Variants in KIAA1958 observed in about 807,000 individuals in gnomAD.
The protein encoded by KIAA1958 is KIAA1958.
KIAA1958 carries 14 observed loss-of-function variants against 47.2 expected under a neutral mutation model. The observed-to-expected ratio is 0.30, with a 90% CI of 0.20 to 0.46. The LOEUF (loss-of-function observed/expected upper bound fraction) is 0.46. Ranked by LOEUF, KIAA1958 falls within the 20% of genes least tolerant of loss-of-function variation. KIAA1958 has a pLI of 1.00. For missense variants in KIAA1958, 803 were observed against 909.2 expected, an observed-to-expected ratio of 0.88 and a Z score of 1.50; for synonymous variants, 354 against 353.3, an observed-to-expected ratio of 1.00 and a Z score of -0.02.
rs537322281 is a variant in KIAA1958 at position 112,540,809 on chromosome 9, G to A, written c.-24-33248G>A. 3.0e-4 allele frequency among the ~76,000 whole-genome samples: 45 copies of A among 151,778 alleles called. No individual in the cohort carries two copies. The South Asian group carries it at 6.7e-3, about 22-fold the overall frequency. On this transcript the variant is annotated intron_variant, in intron 1 of 3. Transcript: ENST00000337530. ...TGGCTCACTGTAGCCTCGACTTCCC[G>A]GGATTAGGTGATTCTCCCATCTCAG... is the stretch of plus-strand genomic sequence containing the variant.
chr9:112,617,599 G>A (rs1191290783), intron 2 of KIAA1958, among the ~76,000 whole-genome samples: 3 of 151,988 alleles, frequency 2.0e-5, no homozygotes, highest in South Asian at 2.1e-4. Context: ...TCTCTCTTTC[G>A]ACAAACCTTC....
In KIAA1958 at chr9:112,603,434, G is replaced by A. The variant is rs539457011; in HGVS notation, c.1171+28183G>A. Reference sequence around the variant, plus strand: ...CATTCCCATGTCTTTCCCTTTGCTCGTGCAGCTTCGTCCTAAGATGCCCTA... The same window carrying A: ...CATTCCCATGTCTTTCCCTTTGCTCATGCAGCTTCGTCCTAAGATGCCCTA... On this transcript the variant is annotated intron_variant, in intron 2 of 3. Coordinates refer to ENST00000337530, the MANE Select transcript of KIAA1958 (RefSeq NM_133465.4). Among the ~76,000 whole-genome samples, 101 of 152,148 alleles carry A rather than the reference G, an allele frequency of 6.6e-4. No individual in the cohort carries two copies. In the South Asian group the frequency reaches 0.02, roughly 30 times the overall value.
At chr9:112,492,984 T>C (rs1423052122) in intron 1 of KIAA1958, among the ~76,000 whole-genome samples, 2 of 147,548 alleles carry the variant, frequency 1.4e-5, no homozygotes, top group African/African-American at 5.1e-5. Context: ...ACTCCTGGGC[T>C]CATGATATCC....
intron 3 of KIAA1958, among the ~76,000 whole-genome samples, chr9:112,657,999 GGCACACACAACCAT>G (rs980578492): frequency 1.3e-4 from 20 of 152,188 alleles, no homozygotes; most frequent in African/African-American, 4.6e-4. Flanking sequence ...TGGGACTACA[GGCACACACAACCAT>G]GCCCAGCTAA....
chr9:112,640,879 G>A (rs891043902), intron 2 of KIAA1958, among the ~76,000 whole-genome samples: 6 of 151,944 alleles, frequency 3.9e-5, no homozygotes, highest in African/African-American at 7.3e-5. Context: ...TTCTTTGTTT[G>A]TTCTTTATTT....
intron 2 of KIAA1958, among the ~76,000 whole-genome samples, chr9:112,581,069 T>C (rs1835726675): frequency 6.6e-6 from 1 of 152,196 alleles, no homozygotes; most frequent in Non-Finnish European, 1.5e-5. Flanking sequence ...TTTATTTTTT[T>C]CTCAGATCTC....
intron 2 of KIAA1958, among the ~76,000 whole-genome samples, chr9:112,645,292 G>A (rs1836957330): frequency 6.6e-6 from 1 of 152,096 alleles, no homozygotes; most frequent in African/African-American, 2.4e-5. Flanking sequence ...TTTGATTGTT[G>A]TTGTTGATAG....
At chr9:112,627,603 A>C (rs1836639741) in intron 2 of KIAA1958, among the ~76,000 whole-genome samples, 1 of 152,048 alleles carries the variant, frequency 6.6e-6, no homozygotes, top group African/African-American at 2.4e-5. Flanking sequence ...AAAATACAAA[A>C]ATTAGCTGGG....
chr9:112,634,685 A>G (rs1037882841), intron 2 of KIAA1958, among the ~76,000 whole-genome samples: 7 of 152,186 alleles, frequency 4.6e-5, no homozygotes, highest in Non-Finnish European at 1.0e-4. Flanking sequence ...AGATAAATGT[A>G]CCACAACATC....
chr9:112,573,971 G>T (rs1835585068), intron 1 of KIAA1958, 86 bp from the exon 2 acceptor site: 4 of 678,768 alleles, frequency 5.9e-6, no homozygotes, highest in African/African-American at 1.8e-5. Flanking sequence ...TATGCCAAAT[G>T]ATCATATTTG....
intron 1 of KIAA1958, among the ~76,000 whole-genome samples, chr9:112,504,464 C>G (rs547365574): frequency 6.6e-6 from 1 of 152,310 alleles, no homozygotes; most frequent in East Asian, 1.9e-4. Context: ...GCTGGAATTG[C>G]AGGCGTGAGC....
At chr9:112,642,146 C>T (rs1836900702) in intron 2 of KIAA1958, among the ~76,000 whole-genome samples, 1 of 152,196 alleles carries the variant, frequency 6.6e-6, no homozygotes, top group East Asian at 1.9e-4. Flanking sequence ...TTGCTAAAGG[C>T]TCCTGTCTGA....
At chr9:112,546,308 T>C (rs1685826886) in intron 1 of KIAA1958, among the ~76,000 whole-genome samples, 1 of 152,166 alleles carries the variant, frequency 6.6e-6, no homozygotes, top group Non-Finnish European at 1.5e-5. Context: ...AGCTACCATA[T>C]ATGGTCTGAT....
chr9:112,493,436 A>G (rs1013721858), intron 1 of KIAA1958, among the ~76,000 whole-genome samples: 4 of 151,754 alleles, frequency 2.6e-5, no homozygotes, highest in Admixed American at 6.6e-5. Flanking sequence ...CCTTCCATCC[A>G]TTTTCCCAGT....
chr9:112,556,432 GC>G (rs1835243940), intron 1 of KIAA1958, among the ~76,000 whole-genome samples: 1 of 152,190 alleles, frequency 6.6e-6, no homozygotes, highest in Admixed American at 6.5e-5. Context: ...TAATTCACAA[GC>G]TTTGCTCTCC....
chr9:112,517,233 TCA>T (rs1834453931), intron 1 of KIAA1958, among the ~76,000 whole-genome samples: 1 of 126,428 alleles, frequency 7.9e-6, no homozygotes, highest in Non-Finnish European at 1.7e-5. Flanking sequence ...AGAAATAGAC[TCA>T]CAGACGTATC....
At chr9:112,653,454 G>A (rs765566435) in intron 3 of KIAA1958, among the ~76,000 whole-genome samples, 6 of 152,274 alleles carry the variant, frequency 3.9e-5, no homozygotes, top group Non-Finnish European at 8.8e-5. Flanking sequence ...TTTGTACTGA[G>A]CTCAGCTGAG....
intron 1 of KIAA1958, among the ~76,000 whole-genome samples, chr9:112,544,172 C>T (rs1834990989): frequency 6.6e-6 from 1 of 152,050 alleles, no homozygotes; most frequent in South Asian, 2.1e-4. Flanking sequence ...TTATCTGTAG[C>T]CTTCTTTACT....
At position 112,525,918 on chromosome 9, in the gene KIAA1958, TTTCTTCTTCTTCTTCTTC is replaced by T. The variant is rs758525184; in HGVS notation, c.-25+38866_-25+38883del. On this transcript the variant is annotated intron_variant, in intron 1 of 3. Transcript: ENST00000337530. ...AAGTTGGAAAGCTTCATTTATATTC[TTTCTTCTTCTTCTTCTTC>T]TTCTTCTTCTTCTTCTTCTTCTTCT... 5.1e-4 allele frequency among the ~76,000 whole-genome samples: 49 copies of T among 96,504 alleles called. 3 individuals carry two copies. The East Asian group carries it at 5.9e-3, about 12-fold the overall frequency. The allele number at this position is 96,504 out of a possible 152,430, so 63.3% of individuals were successfully genotyped here. A position where few individuals can be genotyped will look rare whatever the true frequency, so the allele number is the denominator to read the frequency against.
Sources: gnomAD v4.1 joint callset for allele counts (sites outside exome capture counted in the v4.1 genomes callset) on GRCh38, gnomAD v4.1.1 for gene constraint, MANE v1.5 for transcripts, NCBI Gene and HGNC (gene_info 2026-07-23, HGNC 2026-07-21) for gene names.